The following CPXM2 variants were observed in gnomAD, a reference collection of about 807,000 sequenced individuals.
CPXM2 encodes the protein inactive carboxypeptidase-like protein X2.
In CPXM2, 66 loss-of-function variants were observed where a neutral mutation model predicts 86.1. That is an observed-to-expected ratio of 0.77 (90% CI 0.63 to 0.94). CPXM2 has a LOEUF of 0.94. Ranked by LOEUF, CPXM2 falls within the 40% of genes least tolerant of loss-of-function variation. The pLI, the probability that CPXM2 is intolerant of heterozygous loss-of-function variation, is 0.00. For synonymous variants in CPXM2, 388 were observed against 400.2 expected, an observed-to-expected ratio of 0.97 and a Z score of 0.36; for missense variants, 948 against 1,026.3, an observed-to-expected ratio of 0.92 and a Z score of 1.04.
Position 123,768,578 on chromosome 10 carries a change from AT to A in CPXM2, c.1246del (p.Ile416PhefsTer44), listed in dbSNP as rs1846549367. 1 of 1,613,798 alleles carries A rather than the reference AT, an allele frequency of 6.2e-7. No individual in the cohort carries two copies. Among genetic ancestry groups the A allele is most frequent in the Non-Finnish European group, 8.5e-7 (1 of 1,179,934 alleles). ...GGGGTTGAGGGAGGGGAGGACGTGA[AT>A]CCGCGTCTCCTCCACCAGGTGGACG... ...RIVHLVEETR[I>X]HVLPSLNPDG... On this transcript the variant is annotated frameshift_variant, in exon 9 of 14. Transcript: ENST00000241305. LOFTEE classifies it high-confidence loss of function.
intron 1 of CPXM2, among the ~76,000 whole-genome samples, chr10:123,890,004 GCTTT>G (rs1457559582): frequency 8.5e-5 from 13 of 152,252 alleles, no homozygotes; most frequent in Admixed American, 7.8e-4. Context: ...CAGAAGAAAG[GCTTT>G]CAAATATCCC....
rs557915515 is a variant in CPXM2 at position 123,757,500 on chromosome 10, T to A, written c.1778-148A>T. 1,268 of 676,588 alleles carry A rather than the reference T, an allele frequency of 1.9e-3. 28 individuals are homozygous for A. In the South Asian group the frequency reaches 0.023, roughly 12 times the overall value. The allele number at this position is 676,588 out of a possible 1,614,324, so 41.9% of individuals were successfully genotyped here. On this transcript the variant is annotated intron_variant, in intron 11 of 13. Coordinates refer to ENST00000241305, the MANE Select transcript of CPXM2 (RefSeq NM_198148.3). ...ATGAAGTATCTACTATAGACAAAAA[T>A]TTGCATTAGAGCAAATGTGTGTGAG... is the stretch of plus-strand genomic sequence containing the variant.
chr10:123,906,171 C>G (rs1284636549), intron 2 of CPXM2, among the ~76,000 whole-genome samples: 1 of 152,218 alleles, frequency 6.6e-6, no homozygotes, highest in African/African-American at 2.4e-5. Context: ...CATTTCATCC[C>G]AGAAGTCCTC....
At position 123,768,606 on chromosome 10, in the gene CPXM2, T is replaced by C; in HGVS notation, c.1219A>G (p.Ile407Val). ...CGCGTCTCCTCCACCAGGTGGACGA[T>C]GCGCGCATTCCGGGCCAAGTACTCC... ...CQEYLARNAR[I>V]VHLVEETRIH... Residue 407 changes from isoleucine (I) to valine (V), a missense_variant, in exon 9 of 14, where the codon ATC becomes GTC. Ile to Val is a conservative substitution (Grantham distance 29, BLOSUM62 3). Transcript: ENST00000241305. The C allele has an allele frequency of 2.5e-6, 4 of 1,614,042 alleles. No individual in the cohort carries two copies. The highest frequency in any genetic ancestry group is 3.4e-6 in the Non-Finnish European group (4 of 1,179,986).
chr10:123,839,215 C>T (rs1848336042), intron 4 of CPXM2, among the ~76,000 whole-genome samples: 1 of 152,116 alleles, frequency 6.6e-6, no homozygotes, highest in African/African-American at 2.4e-5. Flanking sequence ...TTTTAGAGAA[C>T]AGGAAACTGA....
intron 4 of CPXM2, 103 bp from the exon 5 acceptor site, chr10:123,799,302 A>T: frequency 7.3e-7 from 1 of 1,365,800 alleles, no homozygotes; most frequent in East Asian, 2.3e-5. Context: ...GGCAGATGGC[A>T]CTGGGTCAAA....
At chr10:123,767,874 T>C (rs1846520020) in intron 9 of CPXM2, among the ~76,000 whole-genome samples, 1 of 152,190 alleles carries the variant, frequency 6.6e-6, no homozygotes, top group Non-Finnish European at 1.5e-5. Flanking sequence ...TTAAAGGTAA[T>C]AATCAAGGCT....
chr10:123,876,531 T>C (rs1293060035), intron 2 of CPXM2, among the ~76,000 whole-genome samples: 1 of 152,158 alleles, frequency 6.6e-6, no homozygotes, highest in Non-Finnish European at 1.5e-5. Context: ...AGGCAGAGGC[T>C]GACAAACTAT....
chr10:123,905,419 C>G (rs77492954), intron 2 of CPXM2, among the ~76,000 whole-genome samples: 2 of 152,242 alleles, frequency 1.3e-5, no homozygotes, highest in South Asian at 4.1e-4. Flanking sequence ...ATGCCACTCT[C>G]TTTGCCTGAG....
chr10:123,898,315 G>A (rs576196249), intron 2 of CPXM2, among the ~76,000 whole-genome samples: 5 of 152,176 alleles, frequency 3.3e-5, no homozygotes, highest in South Asian at 4.2e-4. Context: ...TAAGCCAGGC[G>A]CAATGGCACA....
intron 4 of CPXM2, among the ~76,000 whole-genome samples, chr10:123,829,408 A>G (rs1006792701): frequency 1.3e-5 from 2 of 150,788 alleles, no homozygotes; most frequent in Non-Finnish European, 2.9e-5. Context: ...GTCTCCCTCT[A>G]TTGCCTCGGC....
intron 2 of CPXM2, among the ~76,000 whole-genome samples, chr10:123,911,841 T>C (rs535006777): frequency 2.0e-5 from 3 of 152,212 alleles, no homozygotes; most frequent in Admixed American, 2.0e-4. Flanking sequence ...TGGGGTGCTC[T>C]ACATGTTACC....
chr10:123,809,592 AACATACACACAC>A (rs1847649758), intron 4 of CPXM2, among the ~76,000 whole-genome samples: 1 of 152,170 alleles, frequency 6.6e-6, no homozygotes, highest in African/African-American at 2.4e-5. Context: ...AGATATAGAT[AACATACACACAC>A]ACATACATAT....
At chr10:123,846,336 C>T (rs1848494596) in intron 3 of CPXM2, among the ~76,000 whole-genome samples, 1 of 152,172 alleles carries the variant, frequency 6.6e-6, no homozygotes, top group African/African-American at 2.4e-5. Context: ...GCATTAGATT[C>T]TCATAAGGAG....
At chr10:123,839,243 T>C (rs1471809654) in intron 4 of CPXM2, among the ~76,000 whole-genome samples, 3 of 152,056 alleles carry the variant, frequency 2.0e-5, no homozygotes, top group Non-Finnish European at 4.4e-5. Context: ...AGAAGAGAAA[T>C]CTCAGAACCA....
At chr10:123,857,255 C>G (rs1360045639) in intron 3 of CPXM2, among the ~76,000 whole-genome samples, 1 of 151,950 alleles carries the variant, frequency 6.6e-6, no homozygotes, top group Non-Finnish European at 1.5e-5. Context: ...GTTATAAGGA[C>G]TCTTTCAAAG....
chr10:123,892,026 C>CCAGAGA (rs1945286049), upstream of CPXM2: 1 of 152,144 alleles, frequency 6.6e-6, no homozygotes, highest in Non-Finnish European at 1.5e-5. Flanking sequence ...GCCTGCTTCC[C>CCAGAGA]CAGAGACGCT....
intron 10 of CPXM2, among the ~76,000 whole-genome samples, chr10:123,765,095 C>T (rs1054633043): frequency 1.3e-5 from 2 of 152,130 alleles, no homozygotes; most frequent in Admixed American, 1.3e-4. Flanking sequence ...GAGACAAGGT[C>T]TGTCTGACAC....
At chr10:123,806,968 C>G (rs1315270488) in intron 4 of CPXM2, among the ~76,000 whole-genome samples, 2 of 152,188 alleles carry the variant, frequency 1.3e-5, no homozygotes, top group Non-Finnish European at 2.9e-5. Context: ...CTTCCACTTA[C>G]TAGCTGCAAC....
Sources: allele counts gnomAD v4.1 joint callset (sites outside exome capture counted in the v4.1 genomes callset), GRCh38; gene constraint gnomAD v4.1.1; transcripts MANE v1.5; gene names NCBI Gene and HGNC (gene_info 2026-07-23, HGNC 2026-07-21).